The following SLC5A11 variants were observed in gnomAD, a reference collection of about 807,000 sequenced individuals.
SLC5A11 encodes the protein solute carrier family 5 member 11.
In SLC5A11, 48 loss-of-function variants were observed where a neutral mutation model predicts 69.8. The observed-to-expected ratio is 0.69, with a 90% CI of 0.55 to 0.87. The LOEUF is 0.87. Among genes scored for constraint, SLC5A11 ranks in the 40% least tolerant of loss-of-function variants. The pLI, the probability that SLC5A11 is intolerant of heterozygous loss-of-function variation, is 0.00. For missense variants in SLC5A11, 784 were observed against 866.1 expected, an observed-to-expected ratio of 0.91 and a Z score of 1.19; for synonymous variants, 319 against 342.4, an observed-to-expected ratio of 0.93 and a Z score of 0.75.
At chr16:24,865,854 CTATG>C (rs1285992731) in intron 3 of SLC5A11, among the ~76,000 whole-genome samples, 4 of 151,334 alleles carry the variant, frequency 2.6e-5, no homozygotes, top group African/African-American at 9.7e-5. Context: ...GTGAAGGTAA[CTATG>C]TAAGTAAATA....
At position 24,890,515 on chromosome 16, in the gene SLC5A11, AG is replaced by A. The variant is rs1597205335; in HGVS notation, c.665-353del. 3.4e-3 allele frequency among the ~76,000 whole-genome samples: 205 copies of A among 60,304 alleles called. 2 individuals are homozygous for A. The highest frequency in any genetic ancestry group is 0.011 in the African/African-American group (143 of 13,262). 39.6% of individuals were successfully genotyped at this position (60,304 alleles called of 152,430 possible). On this transcript the variant is annotated intron_variant, in intron 8 of 15. Coordinates refer to ENST00000347898, the Ensembl canonical transcript of SLC5A11. The stretch of plus-strand genomic sequence containing the variant: ...AAAAAAAAAAAAAAAAAAAAAAAAA[AG>A]AAGGAAGGAAGGAAAGAAAGGAAGG...
At chr16:24,868,378 C>T (rs1206865138) in intron 3 of SLC5A11, among the ~76,000 whole-genome samples, 2 of 149,426 alleles carry the variant, frequency 1.3e-5, no homozygotes, top group Non-Finnish European at 3.0e-5. Flanking sequence ...ATCACGAGGT[C>T]AGGAGACCCA....
chr16:24,852,234 T>C (rs1301012854), intron 1 of SLC5A11, among the ~76,000 whole-genome samples: 1 of 152,118 alleles, frequency 6.6e-6, no homozygotes, highest in East Asian at 1.9e-4. Context: ...AGGCATGAAA[T>C]GCGGCAAATA....
At chr16:24,866,797 CATA>C (rs1414695880) in intron 3 of SLC5A11, among the ~76,000 whole-genome samples, 7 of 151,982 alleles carry the variant, frequency 4.6e-5, no homozygotes, top group Admixed American at 4.6e-4. Flanking sequence ...AAGAAAATTA[CATA>C]ATGATAAAAG....
chr16:24,878,677 G>C (rs569893668), intron 7 of SLC5A11, among the ~76,000 whole-genome samples: 1 of 152,170 alleles, frequency 6.6e-6, no homozygotes, highest in Non-Finnish European at 1.5e-5. Context: ...ATGTAAGCAA[G>C]ACAAATATCT....
At position 24,865,530 on chromosome 16, in the gene SLC5A11, C is replaced by T. The variant is rs370472307; in HGVS notation, c.207+2858C>T. Reference sequence around the variant, plus strand: ...TGAGACTGAGCCACTGCACTCCAGCCTGGGTGACAGAGTGAGACTCCATCT... The same window carrying T: ...TGAGACTGAGCCACTGCACTCCAGCTTGGGTGACAGAGTGAGACTCCATCT... On this transcript the variant is annotated intron_variant, in intron 3 of 15. Coordinates refer to ENST00000347898, the Ensembl canonical transcript of SLC5A11. 5.0e-4 allele frequency among the ~76,000 whole-genome samples: 76 copies of T among 152,228 alleles called. 1 individual carries two copies. Among genetic ancestry groups the T allele is most frequent in the African/African-American group, 1.8e-3 (74 of 41,538 alleles).
intron 7 of SLC5A11, among the ~76,000 whole-genome samples, chr16:24,877,945 C>T (rs1468207875): frequency 6.6e-6 from 1 of 152,048 alleles, no homozygotes; most frequent in Non-Finnish European, 1.5e-5. Context: ...GATCGCGCCA[C>T]TGCACTCCAG....
chr16:24,898,165 A>T (rs1274952848), intron 10 of SLC5A11, 56 bp downstream of exon 11: 3 of 1,586,374 alleles, frequency 1.9e-6, no homozygotes, highest in Non-Finnish European at 2.6e-6. Flanking sequence ...GACCATGTGA[A>T]TTATTCTAAA....
intron 1 of SLC5A11, among the ~76,000 whole-genome samples, chr16:24,849,593 A>AAAAAAAAAATATATATATAT: frequency 2.8e-5 from 1 of 35,922 alleles, no homozygotes; most frequent in African/African-American, 9.2e-5. Flanking sequence ...AAAAAAAAAA[A>AAAAAAAAAATATATATATAT]ATATATATAT....
At chr16:24,883,822 G>A (rs2048205623) in intron 7 of SLC5A11, among the ~76,000 whole-genome samples, 1 of 152,242 alleles carries the variant, frequency 6.6e-6, no homozygotes, top group East Asian at 1.9e-4. Flanking sequence ...ACGTGGCCAA[G>A]CCCATGTGAG....
At chr16:24,878,997 T>G (rs1597132034) in intron 7 of SLC5A11, among the ~76,000 whole-genome samples, 1 of 152,158 alleles carries the variant, frequency 6.6e-6, no homozygotes, top group Non-Finnish European at 1.5e-5. Context: ...ATCACACCAC[T>G]GCACTCCAGC....
At chr16:24,852,266 C>T (rs747476817) in intron 1 of SLC5A11, among the ~76,000 whole-genome samples, 2 of 152,154 alleles carry the variant, frequency 1.3e-5, no homozygotes, top group Non-Finnish European at 2.9e-5. Context: ...CACCTTCCCA[C>T]ACCTGTGACC....
chr16:24,856,631 C>A (rs796183728), intron 1 of SLC5A11, among the ~76,000 whole-genome samples: 3 of 143,148 alleles, frequency 2.1e-5, no homozygotes, highest in Admixed American at 6.9e-5. Context: ...ATTAGCTGAG[C>A]GTGGTGGTGG....
At chr16:24,896,114 G>A (rs1370770996) in intron 9 of SLC5A11, among the ~76,000 whole-genome samples, 1 of 151,838 alleles carries the variant, frequency 6.6e-6, no homozygotes, top group Non-Finnish European at 1.5e-5. Flanking sequence ...AGCACTTTGG[G>A]AGGCTGAGGC....
intron 3 of SLC5A11, among the ~76,000 whole-genome samples, chr16:24,868,321 T>C (rs1274978238): frequency 1.3e-5 from 2 of 148,820 alleles, no homozygotes; most frequent in African/African-American, 2.5e-5. Context: ...CCAGGTGTGG[T>C]GGCTCATGCC....
chr16:24,858,649 G>A, exon 2 of SLC5A11: 1 of 1,609,594 alleles, frequency 6.2e-7, no homozygotes, highest in Non-Finnish European at 8.5e-7. Context: ...GGACCATGGA[G>A]AGCGGCACCA....
intron 1 of SLC5A11, among the ~76,000 whole-genome samples, chr16:24,854,016 G>A (rs1223633421): frequency 1.3e-5 from 2 of 152,142 alleles, no homozygotes; most frequent in Non-Finnish European, 2.9e-5. Context: ...GGAGACTCAG[G>A]AAGGGCTTGG....
chr16:24,854,814 C>T (rs527404805), intron 1 of SLC5A11, among the ~76,000 whole-genome samples: 139 of 152,262 alleles, frequency 9.1e-4, no homozygotes, highest in Middle Eastern at 3.4e-3. Context: ...TCCCCTCACC[C>T]CCTCCCCTCC....
At chr16:24,861,800 AAG>A (rs1357741357) in intron 2 of SLC5A11, among the ~76,000 whole-genome samples, 9 of 129,704 alleles carry the variant, frequency 6.9e-5, no homozygotes, top group Admixed American at 7.4e-5. Flanking sequence ...GAAGGAAAGA[AAG>A]AAAAGAAAAA....
Sources: gnomAD v4.1 joint callset for allele counts (sites outside exome capture counted in the v4.1 genomes callset) on GRCh38, gnomAD v4.1.1 for gene constraint, MANE v1.5 for transcripts, NCBI Gene and HGNC (gene_info 2026-07-23, HGNC 2026-07-21) for gene names.